HTR2C: variants seen among roughly 807,000 people sequenced by gnomAD.
HTR2C encodes the protein 5-hydroxytryptamine receptor 2C.
HTR2C carries 5 observed loss-of-function variants against 21.0 expected under a neutral mutation model. That is an observed-to-expected ratio of 0.24 (90% CI 0.12 to 0.50). HTR2C has a LOEUF of 0.50. HTR2C is among the 20% of genes least tolerant of loss of function. The pLI, the probability that HTR2C is intolerant of heterozygous loss-of-function variation, is 0.98. For synonymous variants in HTR2C, 150 were observed against 145.3 expected, an observed-to-expected ratio of 1.03 and a Z score of -0.23; for missense variants, 271 against 371.2, an observed-to-expected ratio of 0.73 and a Z score of 2.22.
At chrX:114,627,041 C>A (rs782120611) in intron 2 of HTR2C, among the ~76,000 whole-genome samples, 7 of 111,269 alleles carry the variant, frequency 6.3e-5, no homozygotes, top group African/African-American at 1.3e-4. Context: ...TATATAAATC[C>A]AAGATTTTTT....
At chrX:114,654,437 A>T (rs1021503011) in intron 2 of HTR2C, among the ~76,000 whole-genome samples, 5 of 109,833 alleles carry the variant, frequency 4.6e-5, no homozygotes, top group African/African-American at 1.6e-4. Context: ...AAGCTTTGGT[A>T]TGCATATTTA....
At chrX:114,610,779 T>A (rs1040364836) in intron 1 of HTR2C, among the ~76,000 whole-genome samples, 1 of 109,812 alleles carries the variant, frequency 9.1e-6, no homozygotes, top group Non-Finnish European at 1.9e-5. Context: ...AATCATAAAA[T>A]GTATCTCAAA....
intron 2 of HTR2C, among the ~76,000 whole-genome samples, chrX:114,701,054 G>A (rs782561778): frequency 1.3e-3 from 151 of 112,249 alleles, no homozygotes; most frequent in African/African-American, 4.5e-3. Context: ...CAAAGCAGCC[G>A]GGAAGCTCGA....
chrX:114,628,456 G>C (rs946577620), intron 2 of HTR2C, among the ~76,000 whole-genome samples: 2 of 77,334 alleles, frequency 2.6e-5, no homozygotes, highest in Non-Finnish European at 4.5e-5. Flanking sequence ...ACAGGGTTTC[G>C]CCATGTTGGC....
chrX:114,670,857 T>A (rs192838074), intron 2 of HTR2C, among the ~76,000 whole-genome samples: 256 of 112,466 alleles, frequency 2.3e-3, no homozygotes, highest in African/African-American at 7.4e-3. Context: ...AAATTTTTTT[T>A]AATTTTAACT....
At chrX:114,796,622 C>T (rs1389132377) in intron 4 of HTR2C, among the ~76,000 whole-genome samples, 1 of 111,377 alleles carries the variant, frequency 9.0e-6, no homozygotes, top group East Asian at 2.8e-4. Context: ...GCACCACATG[C>T]TCCACACCAC....
At chrX:114,816,073 T>C (rs2070581584) in intron 4 of HTR2C, among the ~76,000 whole-genome samples, 1 of 111,251 alleles carries the variant, frequency 9.0e-6, no homozygotes, top group South Asian at 3.7e-4. Flanking sequence ...CAGAACATCA[T>C]GTGTACTGCC....
intron 1 of HTR2C, among the ~76,000 whole-genome samples, chrX:114,606,110 G>A (rs1381930953): frequency 1.8e-5 from 2 of 110,504 alleles, no homozygotes; most frequent in Non-Finnish European, 3.8e-5. Flanking sequence ...TAAGAGGTTG[G>A]GGCATGGAAG....
At chrX:114,703,583 C>G (rs1932639294) in intron 2 of HTR2C, among the ~76,000 whole-genome samples, 1 of 111,839 alleles carries the variant, frequency 8.9e-6, no homozygotes, top group Admixed American at 9.5e-5. Flanking sequence ...AAATTTATAG[C>G]ACTAAATGCC....
intron 5 of HTR2C, among the ~76,000 whole-genome samples, chrX:114,881,702 C>T (rs1385702539): frequency 9.1e-6 from 1 of 110,256 alleles, no homozygotes; most frequent in Non-Finnish European, 1.9e-5. Flanking sequence ...ATCTATATGT[C>T]TATATATATG....
intron 4 of HTR2C, among the ~76,000 whole-genome samples, chrX:114,779,899 ATATG>A (rs1291216306): frequency 1.8e-4 from 7 of 38,586 alleles, no homozygotes; most frequent in Non-Finnish European, 2.7e-4. Flanking sequence ...ATGTATATGT[ATATG>A]TGTGTGTGTG....
intron 4 of HTR2C, among the ~76,000 whole-genome samples, chrX:114,797,083 A>G (rs1467633563): frequency 1.8e-5 from 2 of 111,834 alleles, no homozygotes; most frequent in Admixed American, 9.6e-5. Context: ...GCAAATCTGC[A>G]GCTGGAAAAA....
At chrX:114,765,464 T>A (rs2069938464) in intron 4 of HTR2C, among the ~76,000 whole-genome samples, 1 of 111,218 alleles carries the variant, frequency 9.0e-6, no homozygotes, top group Non-Finnish European at 1.9e-5. Flanking sequence ...TATACAATTT[T>A]ACCTCATTTT....
chrX:114,884,097 G>A (rs1004078930), intron 5 of HTR2C, among the ~76,000 whole-genome samples: 1 of 111,098 alleles, frequency 9.0e-6, no homozygotes, highest in Non-Finnish European at 1.9e-5. Context: ...TGTCACAAAT[G>A]ACAGGATTTC....
rs1346235795 is a variant in HTR2C, at chrX:114,811,974, A to G, written c.350-36029A>G. 2.7e-5 allele frequency among the ~76,000 whole-genome samples: 3 copies of G among 111,486 alleles called. No individual in the cohort carries two copies. In the East Asian group the frequency reaches 8.5e-4, roughly 32 times the overall value. On this transcript the variant is annotated intron_variant, in intron 4 of 5. Transcript: ENST00000276198. ...TTTTTAAGTTCTGGGGTACATGTGCAGGATGTGCAGGTTTGTTACATAGGT... is the reference window on the plus strand; with the variant it reads ...TTTTTAAGTTCTGGGGTACATGTGCGGGATGTGCAGGTTTGTTACATAGGT...
At chrX:114,669,959 A>C (rs1227395677) in intron 2 of HTR2C, among the ~76,000 whole-genome samples, 2 of 112,124 alleles carry the variant, frequency 1.8e-5, no homozygotes, top group African/African-American at 6.5e-5. Context: ...CAATGCTGCC[A>C]GACGTGGTGG....
chrX:114,806,139 A>G (rs2070426724), intron 4 of HTR2C, among the ~76,000 whole-genome samples: 1 of 100,040 alleles, frequency 1.0e-5, no homozygotes, highest in Admixed American at 1.1e-4. Flanking sequence ...ATACATATAT[A>G]CACCCTATAT....
intron 5 of HTR2C, among the ~76,000 whole-genome samples, chrX:114,883,400 G>A (rs1012129275): frequency 3.6e-5 from 4 of 109,866 alleles, no homozygotes; most frequent in African/African-American, 9.9e-5. Flanking sequence ...TTTCTGTATT[G>A]TTTTAATATT....
intron 5 of HTR2C, among the ~76,000 whole-genome samples, chrX:114,854,859 TCAAA>T (rs2070946704): frequency 9.0e-6 from 1 of 111,555 alleles, no homozygotes; most frequent in African/African-American, 3.3e-5. Context: ...TATAAGGAAC[TCAAA>T]CAACTCAACA....
Sources: gnomAD v4.1 joint callset for allele counts (sites outside exome capture counted in the v4.1 genomes callset) on GRCh38, gnomAD v4.1.1 for gene constraint, MANE v1.5 for transcripts, NCBI Gene and HGNC (gene_info 2026-07-23, HGNC 2026-07-21) for gene names.